The following AOAH variants were observed in gnomAD, a reference collection of about 807,000 sequenced individuals.
The protein encoded by AOAH is acyloxyacyl hydrolase (neutrophil).
Under a neutral mutation model 92.2 loss-of-function variants are expected in AOAH, and 64 were observed. That is an observed-to-expected ratio of 0.69 (90% confidence interval 0.57 to 0.86). AOAH has a LOEUF of 0.86. Among genes scored for constraint, AOAH ranks in the 40% least tolerant of loss-of-function variants. The pLI is 0.00. For synonymous variants in AOAH, 263 were observed against 254.5 expected (o/e 1.03, Z -0.32); for missense variants, 656 against 694.6 (o/e 0.94, Z 0.62).
At chr7:36,618,437 A>G in intron 9 of AOAH, 92 bp from the exon 10 acceptor site, 1 of 1,116,470 alleles carries the variant, frequency 9.0e-7, no homozygotes, top group Non-Finnish European at 1.4e-6. Flanking sequence ...AAAAGCACAA[A>G]GGCAAATGAG....
intron 1 of AOAH, among the ~76,000 whole-genome samples, chr7:36,716,087 G>C (rs760614842): frequency 3.9e-5 from 6 of 152,110 alleles, no homozygotes; most frequent in Non-Finnish European, 5.9e-5. Flanking sequence ...CTGACAAAGG[G>C]CTAATATCCA....
chr7:36,714,050 A>G (rs750828206), intron 1 of AOAH, among the ~76,000 whole-genome samples: 2 of 152,202 alleles, frequency 1.3e-5, no homozygotes, highest in African/African-American at 4.8e-5. Context: ...TGGTTTTTTG[A>G]AAAGATCAAC....
intron 12 of AOAH, among the ~76,000 whole-genome samples, chr7:36,580,818 C>T (rs1788880048): frequency 6.6e-6 from 1 of 152,198 alleles, no homozygotes. Flanking sequence ...GTGGGACTCT[C>T]CTCTTGGGCT....
intron 6 of AOAH, among the ~76,000 whole-genome samples, chr7:36,623,488 G>A (rs968873167): frequency 6.6e-6 from 1 of 152,178 alleles, no homozygotes; most frequent in Non-Finnish European, 1.5e-5. Flanking sequence ...CCTGTATGAG[G>A]AAGTGAAATA....
intron 11 of AOAH, 78 bp from the exon 12 acceptor site, chr7:36,594,508 G>T: frequency 8.4e-7 from 1 of 1,192,710 alleles, no homozygotes; most frequent in Non-Finnish European, 1.2e-6. Context: ...CATGGCCTGA[G>T]TGTTGCTCTC....
chr7:36,720,123 T>C (rs1221458036), intron 1 of AOAH, among the ~76,000 whole-genome samples: 1 of 151,364 alleles, frequency 6.6e-6, no homozygotes, highest in East Asian at 1.9e-4. Flanking sequence ...GGTAGAAATG[T>C]TTCTAGAATT....
At chr7:36,537,998 T>C (rs1785185288) in intron 16 of AOAH, among the ~76,000 whole-genome samples, 2 of 150,598 alleles carry the variant, frequency 1.3e-5, no homozygotes, top group Non-Finnish European at 3.0e-5. Context: ...TTACATACCA[T>C]TCGTACATTC....
At chr7:36,656,296 T>G (rs1018288829) in intron 4 of AOAH, among the ~76,000 whole-genome samples, 1 of 152,138 alleles carries the variant, frequency 6.6e-6, no homozygotes, top group Non-Finnish European at 1.5e-5. Context: ...CGCGAGGCCT[T>G]TGATACGACA....
chr7:36,521,546 C>T (rs1465339587), intron 20 of AOAH, among the ~76,000 whole-genome samples: 1 of 152,212 alleles, frequency 6.6e-6, no homozygotes, highest in Non-Finnish European at 1.5e-5. Flanking sequence ...TGAGAAACAG[C>T]TCTTACTGCA....
Position 36,683,493 on chromosome 7 carries a change from CA to C in AOAH, c.223+3205del, listed in dbSNP as rs1186802369. Reference sequence around the variant, plus strand: ...GGTGGAGAAATGGGAAAGGCATATGCAAAAAAACAATTTTAACTGCTCATAA... The same window carrying C: ...GGTGGAGAAATGGGAAAGGCATATGCAAAAAACAATTTTAACTGCTCATAA... On this transcript the variant is annotated intron_variant, in intron 2 of 20. Coordinates refer to ENST00000617537, the MANE Select transcript of AOAH (RefSeq NM_001637.4). 7.3e-5 allele frequency among the ~76,000 whole-genome samples: 11 copies of C among 151,696 alleles called. No individual in the cohort carries two copies. In the East Asian group the frequency reaches 1.9e-3, roughly 27 times the overall value.
intron 19 of AOAH, among the ~76,000 whole-genome samples, chr7:36,527,932 A>T (rs536013847): frequency 2.6e-4 from 40 of 152,350 alleles, no homozygotes; most frequent in African/African-American, 9.4e-4. Flanking sequence ...CAAGTTAAAA[A>T]TGTCTTTTGC....
intron 1 of AOAH, among the ~76,000 whole-genome samples, chr7:36,717,561 G>C (rs1203961028): frequency 6.6e-6 from 1 of 151,904 alleles, no homozygotes; most frequent in African/African-American, 2.4e-5. Context: ...GGTCTGTAGG[G>C]ATAGAGATGG....
At chr7:36,671,317 C>T (rs909464656) in intron 3 of AOAH, among the ~76,000 whole-genome samples, 1 of 152,086 alleles carries the variant, frequency 6.6e-6, no homozygotes, top group Admixed American at 6.5e-5. Flanking sequence ...CTCTCCTTTT[C>T]CCCCCAACTC....
intron 11 of AOAH, chr7:36,600,150 A>G (rs912525491): frequency 6.6e-6 from 1 of 152,244 alleles, no homozygotes; most frequent in African/African-American, 2.4e-5. Flanking sequence ...AGGCACTGAG[A>G]CAGGAAAAAC....
chr7:36,576,836 CA>C (rs1439591509), intron 12 of AOAH, among the ~76,000 whole-genome samples, 180 bp from the exon 13 acceptor site: 2 of 152,080 alleles, frequency 1.3e-5, no homozygotes, highest in Non-Finnish European at 2.9e-5. Flanking sequence ...TTATGAGAAG[CA>C]GTTCTATGAA....
intron 3 of AOAH, 89 bp from the exon 4 acceptor site, chr7:36,659,354 A>C: frequency 9.6e-7 from 1 of 1,036,580 alleles, no homozygotes; most frequent in Admixed American, 1.8e-5. Context: ...AAATCCCCAG[A>C]ATGGATTCTA....
At chr7:36,663,328 T>A (rs1052343231) in intron 3 of AOAH, among the ~76,000 whole-genome samples, 1 of 152,138 alleles carries the variant, frequency 6.6e-6, no homozygotes, top group South Asian at 2.1e-4. Flanking sequence ...TCGTCCAAAG[T>A]GTTTAGTTCA....
At chr7:36,680,969 G>A (rs1250572276) in intron 2 of AOAH, among the ~76,000 whole-genome samples, 1 of 152,014 alleles carries the variant, frequency 6.6e-6, no homozygotes, top group Non-Finnish European at 1.5e-5. Context: ...CCTTGAACCA[G>A]CAATCTTGTT....
intron 11 of AOAH, among the ~76,000 whole-genome samples, chr7:36,603,517 T>A (rs557902576): frequency 1.1e-4 from 16 of 152,234 alleles, no homozygotes; most frequent in African/African-American, 3.6e-4. Flanking sequence ...TGACTGCACC[T>A]AACCCTCTAG....
Sources: gnomAD v4.1 joint callset for allele counts (sites outside exome capture counted in the v4.1 genomes callset) on GRCh38, gnomAD v4.1.1 for gene constraint, MANE v1.5 for transcripts, NCBI Gene and HGNC (gene_info 2026-07-23, HGNC 2026-07-21) for gene names.